RASA2: variants seen among roughly 807,000 people sequenced by gnomAD.
RASA2 encodes RAS p21 protein activator 2.
RASA2 carries 155 observed loss-of-function variants against 118.2 expected under a neutral mutation model. The observed-to-expected ratio is 1.31, with a 90% confidence interval of 1.15 to 1.50. The LOEUF is 1.50. Ranked by LOEUF, RASA2 falls within the 40% of genes most tolerant of loss-of-function variation. The pLI is 0.00. For synonymous variants in RASA2, 353 were observed against 349.1 expected, an observed-to-expected ratio of 1.01 and a Z score of -0.12; for missense variants, 1,016 against 1,009.6, an observed-to-expected ratio of 1.01 and a Z score of -0.09.
intron 14 of RASA2, among the ~76,000 whole-genome samples, chr3:141,576,050 TA>T: frequency 6.6e-6 from 1 of 152,344 alleles, no homozygotes; most frequent in African/African-American, 2.4e-5. Context: ...GTGCTGGAAT[TA>T]CGGGCGTGGG....
chr3:141,487,131 A>G lies in RASA2; in HGVS notation c.48A>G (p.Pro16=). 1 of 1,441,576 alleles carries G rather than the reference A, an allele frequency of 6.9e-7. No individual in the cohort carries two copies. Among genetic ancestry groups the G allele is most frequent in the Non-Finnish European group, 9.2e-7 (1 of 1,087,800 alleles). The allele number at this position is 1,441,576 out of a possible 1,614,324, so 89.3% of individuals were successfully genotyped here. Residue 16 remains proline (P), a synonymous_variant, in exon 1 of 24, where the codon CCA becomes CCG. Transcript: ENST00000286364. Reference sequence around the variant, plus strand: ...CTGCGGCGGCTTCTTCCGAGGCGCCAGCGGCGAGTGCGACTGCAGAGCCCG... The same window carrying G: ...CTGCGGCGGCTTCTTCCGAGGCGCCGGCGGCGAGTGCGACTGCAGAGCCCG... The part of the protein sequence containing the change: ...PAAAAASSEA[P]AASATAEPEA...
chr3:141,609,523 G>T lies in RASA2; in HGVS notation c.2329G>T (p.Glu777Ter). Residue 777 changes from glutamate (E) to a stop codon, truncating the protein, a stop_gained and splice_region_variant, in exon 22 of 24, where the codon GAG becomes TAG. Coordinates refer to ENST00000286364, the MANE Select transcript of RASA2 (RefSeq NM_006506.5). LOFTEE classifies it high-confidence loss of function. ...TTTACTTAAGCTGCAGAAGATGGAA[G>T]GTAAATACACAATCTATTTTTATAT... ...LSLLKLQKME[E>*]ACGTIAVYQG... 2 of 1,549,014 alleles carry T rather than the reference G, an allele frequency of 1.3e-6. No individual in the cohort carries two copies. Among genetic ancestry groups the T allele is most frequent in the South Asian group, 1.1e-5 (1 of 88,424 alleles).
intron 19 of RASA2, among the ~76,000 whole-genome samples, chr3:141,588,481 A>G (rs1262552990): frequency 4.6e-5 from 7 of 152,216 alleles, no homozygotes; most frequent in Admixed American, 4.6e-4. Flanking sequence ...GAGGAAATGG[A>G]GAGTCTGTTA....
rs1560066978 is a variant in RASA2 at position 141,607,761 on chromosome 3, G to GT, written c.2016+2dup. The GT allele has an allele frequency of 1.9e-6, 3 of 1,571,362 alleles. No homozygotes were observed. The highest frequency in any genetic ancestry group is 1.9e-5 in the Admixed American group (1 of 51,576). On this transcript the variant is annotated splice_donor_variant, in intron 20 of 23. Transcript: ENST00000286364. LOFTEE classifies it high-confidence loss of function. ...AGAGAGCTCTTTCAACAAGAAAAAT[G>GT]TAAGTTATGTAAATAAATATTTAAA... is the stretch of plus-strand genomic sequence containing the variant.
intron 1 of RASA2, among the ~76,000 whole-genome samples, chr3:141,510,936 A>G (rs1004170690): frequency 1.3e-5 from 2 of 152,202 alleles, no homozygotes; most frequent in African/African-American, 4.8e-5. Context: ...TTCAAATATC[A>G]CACTGCTTGA....
chr3:141,542,421 A>G (rs2082418400), intron 5 of RASA2, among the ~76,000 whole-genome samples: 1 of 152,172 alleles, frequency 6.6e-6, no homozygotes, highest in Non-Finnish European at 1.5e-5. Flanking sequence ...CTCATTTTGC[A>G]GATGACAAAA....
chr3:141,510,685 C>T (rs147489066), intron 1 of RASA2, among the ~76,000 whole-genome samples: 52 of 152,226 alleles, frequency 3.4e-4, no homozygotes, highest in Middle Eastern at 3.4e-3. Flanking sequence ...AGGCACTCGC[C>T]ATTGAAGATA....
intron 19 of RASA2, among the ~76,000 whole-genome samples, chr3:141,597,821 T>C (rs776715433): frequency 6.6e-6 from 1 of 151,638 alleles, no homozygotes; most frequent in Non-Finnish European, 1.5e-5. Context: ...GAAAAATGCC[T>C]AGAAAGACTG....
intron 5 of RASA2, among the ~76,000 whole-genome samples, chr3:141,546,440 G>A (rs1408173102): frequency 6.6e-6 from 1 of 152,226 alleles, no homozygotes; most frequent in Non-Finnish European, 1.5e-5. Context: ...CTGATGATCA[G>A]TGATGTTGAG....
At chr3:141,490,059 G>A (rs1052665030) in intron 1 of RASA2, among the ~76,000 whole-genome samples, 40 of 151,168 alleles carry the variant, frequency 2.6e-4, no homozygotes, top group African/African-American at 9.7e-4. Context: ...AACGAACCCA[G>A]GGAATTCGAG....
chr3:141,610,592 G>T (rs1418867364), intron 23 of RASA2, among the ~76,000 whole-genome samples: 3 of 149,684 alleles, frequency 2.0e-5, no homozygotes, highest in African/African-American at 4.9e-5. Context: ...CTGGGCTCAA[G>T]CGATCCTCCC....
At chr3:141,592,914 A>G (rs2083309296) in intron 19 of RASA2, among the ~76,000 whole-genome samples, 1 of 152,018 alleles carries the variant, frequency 6.6e-6, no homozygotes, top group Admixed American at 6.6e-5. Context: ...GGTAGAAAAA[A>G]CCAAGAGTCC....
At chr3:141,543,170 A>G (rs2082430766) in intron 5 of RASA2, among the ~76,000 whole-genome samples, 1 of 151,336 alleles carries the variant, frequency 6.6e-6, no homozygotes, top group Non-Finnish European at 1.5e-5. Flanking sequence ...ATTTATTTAT[A>G]TTGTGTTTTT....
At chr3:141,490,532 T>C (rs2081628713) in intron 1 of RASA2, among the ~76,000 whole-genome samples, 1 of 152,144 alleles carries the variant, frequency 6.6e-6, no homozygotes, top group Non-Finnish European at 1.5e-5. Context: ...TGTGTGGGCT[T>C]ATCTACTCAA....
At chr3:141,540,300 G>C (rs1319646037) in intron 4 of RASA2, among the ~76,000 whole-genome samples, 11 of 151,944 alleles carry the variant, frequency 7.2e-5, no homozygotes, top group Admixed American at 7.2e-4. Flanking sequence ...TTATTGAATT[G>C]GACATAAAAT....
At chr3:141,603,739 AC>A (rs1249766676) in intron 19 of RASA2, among the ~76,000 whole-genome samples, 2 of 151,856 alleles carry the variant, frequency 1.3e-5, no homozygotes, top group Non-Finnish European at 2.9e-5. Context: ...ATTAACAGTC[AC>A]TCCCCATTCC....
intron 3 of RASA2, among the ~76,000 whole-genome samples, chr3:141,524,431 A>C (rs1398740945): frequency 6.6e-6 from 1 of 152,188 alleles, no homozygotes; most frequent in Non-Finnish European, 1.5e-5. Context: ...CCAGTTTACC[A>C]CAAAGACCAA....
intron 4 of RASA2, among the ~76,000 whole-genome samples, chr3:141,531,296 A>G (rs908998841): frequency 6.6e-6 from 1 of 151,970 alleles, no homozygotes; most frequent in Non-Finnish European, 1.5e-5. Context: ...TTTGCTAAAC[A>G]ATTTAAGAGT....
intron 19 of RASA2, among the ~76,000 whole-genome samples, chr3:141,605,062 T>G (rs963269070): frequency 1.2e-4 from 19 of 152,114 alleles, no homozygotes; most frequent in African/African-American, 4.6e-4. Flanking sequence ...GATGTCACTC[T>G]GATTCTCAGT....
Sources: gnomAD v4.1 joint callset for allele counts (sites outside exome capture counted in the v4.1 genomes callset) on GRCh38, gnomAD v4.1.1 for gene constraint, MANE v1.5 for transcripts, NCBI Gene and HGNC (gene_info 2026-07-23, HGNC 2026-07-21) for gene names.